ACOX2: variants seen among roughly 807,000 people sequenced by gnomAD.
The protein encoded by ACOX2 is peroxisomal acyl-coenzyme A oxidase 2.
Under a neutral mutation model 77.5 loss-of-function variants are expected in ACOX2, and 59 were observed. That is an observed-to-expected ratio of 0.76 (90% CI 0.62 to 0.95). ACOX2 has a LOEUF of 0.95. Ranked by LOEUF, ACOX2 falls within the 40% of genes least tolerant of loss-of-function variation. ACOX2 has a pLI of 0.00. For missense variants in ACOX2, 837 were observed against 880.4 expected (o/e 0.95, Z 0.62); for synonymous variants, 317 against 340.1 (o/e 0.93, Z 0.75).
intron 8 of ACOX2, 76 bp downstream of exon 8, chr3:58,530,389 AG>A: frequency 7.7e-6 from 12 of 1,552,764 alleles, no homozygotes; most frequent in Non-Finnish European, 1.0e-5. Flanking sequence ...CTCTGGCAGA[AG>A]GGTGGTGTCA....
chr3:58,517,150 C>G, intron 13 of ACOX2, 56 bp downstream of exon 13: 1 of 1,587,354 alleles, frequency 6.3e-7, no homozygotes, highest in East Asian at 2.2e-5. Context: ...GACCTGTGAA[C>G]AAGGGGTAGG....
chr3:58,518,622 A>G (rs967709315), intron 12 of ACOX2, among the ~76,000 whole-genome samples: 1 of 152,154 alleles, frequency 6.6e-6, no homozygotes, highest in South Asian at 2.1e-4. Context: ...GAGAAAGTAT[A>G]AAGCAGTGCT....
chr3:58,513,853 G>T (rs2063304197), intron 13 of ACOX2, among the ~76,000 whole-genome samples: 1 of 152,094 alleles, frequency 6.6e-6, no homozygotes, highest in Admixed American at 6.5e-5. Flanking sequence ...GAGTGAATTG[G>T]GTGGACCATT....
intron 7 of ACOX2, 74 bp from the exon 8 acceptor site, chr3:58,530,712 G>T (rs931178919): frequency 1.3e-6 from 2 of 1,491,766 alleles, no homozygotes; most frequent in African/African-American, 2.8e-5. Flanking sequence ...CAGAGCTGTG[G>T]GGCTCCACAC....
chr3:58,532,444 G>A (rs969292653), intron 5 of ACOX2, among the ~76,000 whole-genome samples: 1 of 151,252 alleles, frequency 6.6e-6, no homozygotes, highest in East Asian at 1.9e-4. Context: ...GGAGTGCAAT[G>A]GCCTGAGCTC....
intron 13 of ACOX2, among the ~76,000 whole-genome samples, chr3:58,513,055 G>A (rs1299118467): frequency 6.6e-6 from 1 of 152,096 alleles, no homozygotes; most frequent in Non-Finnish European, 1.5e-5. Flanking sequence ...TTCTCCTCAG[G>A]TCTTTCCTTA....
Position 58,522,884 on chromosome 3 carries a change from A to G in ACOX2, c.1527-283T>C, listed in dbSNP as rs985370886. The G allele has an allele frequency of 2.7e-6, 1 of 375,718 alleles. No individual in the cohort carries two copies. Among genetic ancestry groups the G allele is most frequent in the Non-Finnish European group, 5.1e-6 (1 of 197,482 alleles). 23.3% of individuals were successfully genotyped at this position (375,718 alleles called of 1,614,324 possible). A position where few individuals can be genotyped will look rare whatever the true frequency, so the allele number is the denominator to read the frequency against. ...GGATTTTGACTTGTTGTTAATCGCC[A>G]TGTTATAAAGCCTCAGGGCCACAGG... On this transcript the variant is annotated intron_variant, in intron 11 of 14. Transcript: ENST00000302819. The surrounding 1 kb of genome is among the most constrained non-coding windows in gnomAD (Gnocchi z 4.3).
rs781106566 is a variant in ACOX2, at chr3:58,531,280, TGG to T, written c.788_789del (p.Pro263GlnfsTer69). 1.5e-5 allele frequency: 24 copies of T among 1,613,186 alleles called. No homozygotes were observed. The highest frequency in any genetic ancestry group is 2.0e-5 in the Non-Finnish European group (24 of 1,180,012). On this transcript the variant is annotated frameshift_variant, in exon 7 of 15. Coordinates refer to ENST00000302819, the MANE Select transcript of ACOX2 (RefSeq NM_003500.4). LOFTEE classifies it high-confidence loss of function. The surrounding 1 kb of genome is among the most constrained non-coding windows in gnomAD (Gnocchi z 5.8). Reference protein sequence around the residue: ...GFLQLNHVRVPRENMLSRFAQ... With the variant: ...GFLQLNHVRVXRENMLSRFAQ... ...GCAAAGCGACTCAGCATGTTCTCCC[TGG>T]GGACCCGCACATGGTTCAGCTGCAG...
rs1416209921 is a variant in ACOX2 at position 58,517,273 on chromosome 3, C to T, written c.1783G>A (p.Ala595Thr). The T allele has an allele frequency of 2.5e-6, 4 of 1,613,992 alleles. No individual in the cohort carries two copies. Among genetic ancestry groups the T allele is most frequent in the African/African-American group, 1.3e-5 (1 of 74,884 alleles). The change falls in exon 13 of 15, where the codon GCC becomes ACC. Residue 595 changes from alanine (A) to threonine (T), a missense_variant. By Grantham distance (58) the Ala-to-Thr change is moderately conservative. Coordinates refer to ENST00000302819, the MANE Select transcript of ACOX2 (RefSeq NM_003500.4). ...LTNSGDFLHD[A>T]FLSGAQVDMA... ...TCCACTTGGGCACCAGACAGGAAGG[C>T]GTCATGGAGAAAGTCACCCGAGTTA... is the stretch of plus-strand genomic sequence containing the variant.
intron 13 of ACOX2, among the ~76,000 whole-genome samples, chr3:58,511,964 T>G (rs2063291190): frequency 6.6e-6 from 1 of 152,144 alleles, no homozygotes; most frequent in Non-Finnish European, 1.5e-5. Context: ...GACTGAGTAC[T>G]TGGACCTCTT....
At position 58,523,436 on chromosome 3, in the gene ACOX2, T is replaced by G. The variant is rs1044953356; in HGVS notation, c.1527-835A>C. The stretch of plus-strand genomic sequence containing the variant: ...GCCTAGAACAGTGCCTGCCATATTA[T>G]AGGCAGTTAATAAATATTTTTGGAA... On this transcript the variant is annotated intron_variant, in intron 11 of 14. Transcript: ENST00000302819. This position sits in a 1 kb window ranked among gnomAD's most constrained non-coding sequence, Gnocchi z 5.3. Among the ~76,000 whole-genome samples, 2 of 152,254 alleles carry G rather than the reference T, an allele frequency of 1.3e-5. No homozygotes were observed. Among genetic ancestry groups the G allele is most frequent in the African/African-American group, 4.8e-5 (2 of 41,468 alleles).
chr3:58,530,319 AGATTTTGTGTTTG>A (rs1384582694), intron 8 of ACOX2, 134 bp downstream of exon 8: 18 of 1,184,082 alleles, frequency 1.5e-5, no homozygotes, highest in Non-Finnish European at 1.9e-5. Flanking sequence ...CAGGCTGGGT[AGATTTTGTGTTTG>A]TGTGTGTGTA....
In ACOX2 at chr3:58,523,756, GGT is replaced by G. The variant is rs1213843650; in HGVS notation, c.1526+668_1526+669del. ...CAGCCACCATGCCCAGCCTGTTTTC[GGT>G]GTTTTAATTTGGGGGCAGCATTCAG... On this transcript the variant is annotated intron_variant, in intron 11 of 14. Coordinates refer to ENST00000302819, the MANE Select transcript of ACOX2 (RefSeq NM_003500.4). The surrounding 1 kb of genome is among the most constrained non-coding windows in gnomAD (Gnocchi z 5.3). Among the ~76,000 whole-genome samples, 1 of 151,880 alleles carries G rather than the reference GGT, an allele frequency of 6.6e-6. No homozygotes were observed. Among genetic ancestry groups the G allele is most frequent in the African/African-American group, 2.4e-5 (1 of 41,332 alleles).
chr3:58,531,417 A>G lies in ACOX2; in HGVS notation c.704-51T>C. The G allele has an allele frequency of 1.3e-6, 2 of 1,522,266 alleles. No individual in the cohort carries two copies. The highest frequency in any genetic ancestry group is 1.8e-6 in the Non-Finnish European group (2 of 1,099,934). 94.3% of individuals were successfully genotyped at this position (1,522,266 alleles called of 1,614,324 possible). A position where few individuals can be genotyped will look rare whatever the true frequency, so the allele number is the denominator to read the frequency against. ...CCTATCAGTTGAGAGAGTGCTTGCTATGTGGCAGGTATCATACACACATTC... is the reference window on the plus strand; with the variant it reads ...CCTATCAGTTGAGAGAGTGCTTGCTGTGTGGCAGGTATCATACACACATTC... On this transcript the variant is annotated intron_variant, in intron 6 of 14. Coordinates refer to ENST00000302819, the MANE Select transcript of ACOX2 (RefSeq NM_003500.4). This position sits in a 1 kb window ranked among gnomAD's most constrained non-coding sequence, Gnocchi z 5.8.
Position 58,531,435 on chromosome 3 carries a change from A to G in ACOX2, c.704-69T>C. The G allele has an allele frequency of 1.4e-6, 2 of 1,437,484 alleles. No individual in the cohort carries two copies. The highest frequency in any genetic ancestry group is 1.9e-6 in the Non-Finnish European group (2 of 1,028,828). 89.0% of individuals were successfully genotyped at this position (1,437,484 alleles called of 1,614,324 possible). On this transcript the variant is annotated intron_variant, in intron 6 of 14. Transcript: ENST00000302819. This position sits in a 1 kb window ranked among gnomAD's most constrained non-coding sequence, Gnocchi z 5.8. ...GCTTGCTATGTGGCAGGTATCATACACACATTCCAGGTCACAGCAGCCTGT... is the reference window on the plus strand; with the variant it reads ...GCTTGCTATGTGGCAGGTATCATACGCACATTCCAGGTCACAGCAGCCTGT...
rs377185878 is a variant in ACOX2 at position 58,509,528 on chromosome 3, A to AAAAT, written c.1851-507_1851-504dup. ...GGCGACAGAGTGAGACTCCTGTCCC[A>AAAAT]AAATAAATAAATAAATAAATAAATA... On this transcript the variant is annotated intron_variant, in intron 13 of 14. Transcript: ENST00000302819. Among the ~76,000 whole-genome samples, 127 of 151,578 alleles carry AAAAT rather than the reference A, an allele frequency of 8.4e-4. 1 individual carries two copies. The highest frequency in any genetic ancestry group is 1.7e-3 in the South Asian group (8 of 4,794).
Position 58,510,121 on chromosome 3 carries a change from A to G in ACOX2, c.1851-1096T>C, listed in dbSNP as rs149509604. Among the ~76,000 whole-genome samples the G allele has an allele frequency of 5.3e-3, 801 of 152,188 alleles. 6 individuals carry two copies. The highest frequency in any genetic ancestry group is 0.019 in the African/African-American group (774 of 41,506). ...GGCCTTCGGGCCTCCCAATATAGTT[A>G]TAATTTTGGCCAGACCAATATTTAG... On this transcript the variant is annotated intron_variant, in intron 13 of 14. Coordinates refer to ENST00000302819, the MANE Select transcript of ACOX2 (RefSeq NM_003500.4).
Position 58,531,253 on chromosome 3 carries a change from G to A in ACOX2, c.817C>T (p.Gln273Ter). 3.1e-6 allele frequency: 5 copies of A among 1,612,362 alleles called. No homozygotes were observed. The highest frequency in any genetic ancestry group is 4.2e-6 in the Non-Finnish European group (5 of 1,179,800). ...PRENMLSRFA[Q>*]VLPDGTYVKL... ...CCCGGCCTCCCCAGATCTGTAACCT[G>A]TGCAAAGCGACTCAGCATGTTCTCC... Residue 273 changes from glutamine to a stop codon, truncating the protein, a stop_gained and splice_region_variant, in exon 7 of 15, where the codon CAG (glutamine) becomes TAG (stop). Coordinates refer to ENST00000302819, the MANE Select transcript of ACOX2 (RefSeq NM_003500.4). LOFTEE classifies it high-confidence loss of function. This position sits in a 1 kb window ranked among gnomAD's most constrained non-coding sequence, Gnocchi z 5.8.
At chr3:58,510,717 CA>C (rs2063280436) in intron 13 of ACOX2, among the ~76,000 whole-genome samples, 1 of 19,432 alleles carries the variant, frequency 5.1e-5, no homozygotes, top group East Asian at 0.012. Context: ...TATACACACA[CA>C]CACACACACA....
Sources: gnomAD v4.1 joint callset for allele counts (sites outside exome capture counted in the v4.1 genomes callset) on GRCh38, gnomAD v4.1.1 for gene constraint, Gnocchi (gnomAD v3.1) non-coding constraint, MANE v1.5 for transcripts, NCBI Gene and HGNC (gene_info 2026-07-23, HGNC 2026-07-21) for gene names.